DDX27: variants seen among roughly 807,000 people sequenced by gnomAD.
DDX27 encodes the protein probable ATP-dependent RNA helicase DDX27.
A neutral mutation model predicts 99.3 loss-of-function variants in DDX27; 42 were observed. That is an observed-to-expected ratio of 0.42 (90% CI 0.33 to 0.55). The LOEUF (loss-of-function observed/expected upper bound fraction) is 0.55. Ranked by LOEUF, DDX27 falls within the 20% of genes least tolerant of loss-of-function variation. The pLI, the probability that DDX27 is intolerant of heterozygous loss-of-function variation, is 0.07. For synonymous variants in DDX27, 329 were observed against 353.8 expected (o/e 0.93, Z 0.79); for missense variants, 798 against 976.8 (o/e 0.82, Z 2.44).
In DDX27 at chr20:49,230,494, C is replaced by T; in HGVS notation, c.1031+145C>T. 3 of 907,674 alleles carry T rather than the reference C, an allele frequency of 3.3e-6. No individual in the cohort carries two copies. In the South Asian group the frequency reaches 5.5e-5, roughly 17 times the overall value. The allele number at this position is 907,674 out of a possible 1,614,324, so 56.2% of individuals were successfully genotyped here. A position where few individuals can be genotyped will look rare whatever the true frequency, so the allele number is the denominator to read the frequency against. On this transcript the variant is annotated intron_variant, in intron 9 of 20. Coordinates refer to ENST00000618172, the MANE Select transcript of DDX27 (RefSeq NM_017895.8). ...ACCAGATCAGCCACTTGTGCTGGGG[C>T]CTCTGCCCAGCCTTAGCCCATGTTT...
At chr20:49,240,636 C>G (rs1980447288) in intron 16 of DDX27, among the ~76,000 whole-genome samples, 2 of 152,092 alleles carry the variant, frequency 1.3e-5, no homozygotes. Flanking sequence ...ACCGTGTTAG[C>G]CAGGATGGTC....
chr20:49,226,387 T>A (rs138708775), intron 6 of DDX27, 43 bp from the exon 7 acceptor site: 12 of 1,528,978 alleles, frequency 7.8e-6, no homozygotes, highest in Non-Finnish European at 2.7e-6. Flanking sequence ...GTGCTGAGAC[T>A]TCCCCCGCTC....
At position 49,236,288 on chromosome 20, in the gene DDX27, C is replaced by T. The variant is rs374585361; in HGVS notation, c.1510-45C>T. 5.7e-6 allele frequency: 9 copies of T among 1,565,742 alleles called. No individual in the cohort carries two copies. Among genetic ancestry groups the T allele is most frequent in the South Asian group, 2.4e-5 (2 of 84,338 alleles). Reference sequence around the variant, plus strand: ...GTGGAAGTCTTTTTGCCTCTTCGCACCCCCCTTCCCTTGCCAGGCCTGACG... The same window carrying T: ...GTGGAAGTCTTTTTGCCTCTTCGCATCCCCCTTCCCTTGCCAGGCCTGACG... On this transcript the variant is annotated intron_variant, in intron 13 of 20. Transcript: ENST00000618172. The surrounding 1 kb of genome is among the most constrained non-coding windows in gnomAD (Gnocchi z 4.1).
chr20:49,238,655 A>G (rs1052439701), intron 14 of DDX27: 2 of 358,904 alleles, frequency 5.6e-6, no homozygotes, highest in Admixed American at 4.6e-5. Context: ...TTTAATAGAG[A>G]CGGGGTTTCA....
intron 9 of DDX27, among the ~76,000 whole-genome samples, chr20:49,232,384 C>A: frequency 6.6e-6 from 1 of 152,124 alleles, no homozygotes; most frequent in East Asian, 1.9e-4. Flanking sequence ...AACCCCAGCA[C>A]TTTGGGAGGC....
chr20:49,230,934 C>T (rs1398763936), intron 9 of DDX27: 1 of 152,484 alleles, frequency 6.6e-6, no homozygotes, highest in Non-Finnish European at 1.5e-5. Flanking sequence ...CCCTTAATCC[C>T]TGACTCTTCA....
rs1393893589 is a variant in DDX27, at chr20:49,223,289, A to G, written c.322A>G (p.Lys108Glu). The change falls in exon 4 of 21, where the codon AAG becomes GAG. Residue 108 changes from lysine (K) to glutamate (E), a missense_variant. Lys to Glu is a moderately conservative substitution (Grantham distance 56, BLOSUM62 1). This residue lies in a region of DDX27 where 245 missense variants were observed against 248.8 expected (regional missense o/e 0.98). Transcript: ENST00000618172. The stretch of plus-strand genomic sequence containing the variant: ...CCAGGATAAAGAAGCCAAGTCTGGG[A>G]AGTTGGAAAAGGAGAAAGAAGCAAA... ...KTEDKEAKSG[K>E]LEKEKEAKEG... 1 of 1,610,308 alleles carries G rather than the reference A, an allele frequency of 6.2e-7. No individual in the cohort carries two copies. Among genetic ancestry groups the G allele is most frequent in the Admixed American group, 1.7e-5 (1 of 58,698 alleles).
chr20:49,243,139 C>G (rs187628831), intron 19 of DDX27, among the ~76,000 whole-genome samples: 2 of 152,150 alleles, frequency 1.3e-5, no homozygotes, highest in African/African-American at 4.8e-5. Flanking sequence ...CTCCACCCCC[C>G]ACCCCTCTCA....
intron 1 of DDX27, 119 bp from the exon 2 acceptor site, chr20:49,221,333 G>T: frequency 1.2e-5 from 14 of 1,121,250 alleles, no homozygotes; most frequent in Non-Finnish European, 1.8e-5. Context: ...CCTTGTCTGC[G>T]TGCCTTCGCC....
intron 2 of DDX27, among the ~76,000 whole-genome samples, 164 bp from the exon 3 acceptor site, chr20:49,222,793 G>A (rs1331617993): frequency 2.0e-5 from 3 of 152,102 alleles, no homozygotes; most frequent in African/African-American, 4.8e-5. Context: ...GATTACAGGC[G>A]TGAGCCACCG....
intron 2 of DDX27, among the ~76,000 whole-genome samples, chr20:49,221,808 C>CTTT (rs11475081): frequency 2.3e-5 from 3 of 132,142 alleles, no homozygotes; most frequent in Admixed American, 7.8e-5. Context: ...GACTCACTGT[C>CTTT]TTTTTTTTTT....
rs1290610594 is a variant in DDX27, at chr20:49,242,589, C to T, written c.2117-5C>T. ...CCATATGTAACCCATTCTCTCTGTG[C>T]ACAGCCAAGAAGCAAAAGCAGGGGA... On this transcript the variant is annotated splice_region_variant and splice_polypyrimidine_tract_variant and intron_variant, in intron 18 of 20. Coordinates refer to ENST00000618172, the MANE Select transcript of DDX27 (RefSeq NM_017895.8). 1 of 1,613,728 alleles carries T rather than the reference C, an allele frequency of 6.2e-7. No individual in the cohort carries two copies.
intron 1 of DDX27, among the ~76,000 whole-genome samples, chr20:49,219,805 G>T (rs1979571307): frequency 1.3e-5 from 2 of 151,860 alleles, no homozygotes; most frequent in African/African-American, 4.8e-5. Flanking sequence ...CACGCCCTGT[G>T]TAAGAGACGG....
At chr20:49,241,813 T>C (rs559151727) in intron 16 of DDX27, 80 bp from the exon 17 acceptor site, 8 of 1,469,104 alleles carry the variant, frequency 5.4e-6, no homozygotes, top group South Asian at 3.5e-5. Context: ...AACTTACCAA[T>C]TGAAAACGTG....
At chr20:49,243,311 A>AG (rs1380684297) in intron 19 of DDX27, among the ~76,000 whole-genome samples, 1 of 152,182 alleles carries the variant, frequency 6.6e-6, no homozygotes, top group African/African-American at 2.4e-5. Context: ...AGAACCCCAG[A>AG]GAATCCTGGC....
chr20:49,223,094 G>C (rs1430951930), intron 3 of DDX27, 78 bp downstream of exon 3: 1 of 1,477,410 alleles, frequency 6.8e-7, no homozygotes, highest in African/African-American at 1.4e-5. Context: ...CTCTCTGGAA[G>C]CCCTTATAGA....
At position 49,236,453 on chromosome 20, in the gene DDX27, C is replaced by G; in HGVS notation, c.1630C>G (p.Leu544Val). The G allele has an allele frequency of 6.2e-7, 1 of 1,612,290 alleles. No homozygotes were observed. The highest frequency in any genetic ancestry group is 1.1e-5 in the South Asian group (1 of 90,610). ...GGTGGGAGAAGATGAGCGGAAGATG[C>G]TGAAGGAGATTGTAAAAGCTGCCAA... is the stretch of plus-strand genomic sequence containing the variant. ...SLVGEDERKM[L>V]KEIVKAAKAP... Residue 544 changes from leucine (L) to valine (V), a missense_variant, in exon 14 of 21, where the codon CTG becomes GTG. Leu to Val is a conservative substitution (Grantham distance 32). This residue lies in a region of DDX27 where 553 missense variants were observed against 727.9 expected (regional missense o/e 0.76). Coordinates refer to ENST00000618172, the MANE Select transcript of DDX27 (RefSeq NM_017895.8). The surrounding 1 kb of genome is among the most constrained non-coding windows in gnomAD (Gnocchi z 4.1).
intron 2 of DDX27, among the ~76,000 whole-genome samples, chr20:49,222,203 G>C (rs1273286951): frequency 6.6e-6 from 1 of 151,806 alleles, no homozygotes; most frequent in Non-Finnish European, 1.5e-5. Context: ...CGCCATCTCA[G>C]CTCACTGCAA....
Position 49,243,847 on chromosome 20 carries a change from G to T in DDX27, c.*13G>T. On this transcript the variant is annotated 3_prime_UTR_variant, in exon 21 of 21. Transcript: ENST00000618172. ...GAGGAGGAAGTAGCTGTCGTGGCCT[G>T]AAGAAATTCATGGGGGCAGCCCTTA... is the stretch of plus-strand genomic sequence containing the variant. The T allele has an allele frequency of 6.2e-7, 1 of 1,614,084 alleles. No individual in the cohort carries two copies.
Sources: allele counts gnomAD v4.1 joint callset (sites outside exome capture counted in the v4.1 genomes callset), GRCh38; gene constraint gnomAD v4.1.1; regional missense constraint gnomAD v4.1.1; non-coding constraint Gnocchi (gnomAD v3.1); transcripts MANE v1.5; gene names NCBI Gene and HGNC (gene_info 2026-07-23, HGNC 2026-07-21).